Variants in LPAR6 observed in about 807,000 individuals in gnomAD.
The protein encoded by LPAR6 is lysophosphatidic acid receptor 6.
In LPAR6, 17 loss-of-function variants were observed where a neutral mutation model predicts 22.0. That is an observed-to-expected ratio of 0.77 (90% CI 0.53 to 1.16). LPAR6 has a LOEUF of 1.16. Ranked by LOEUF, LPAR6 falls within the 50% of genes most tolerant of loss-of-function variation. The pLI, the probability that LPAR6 is intolerant of heterozygous loss-of-function variation, is 0.00. For missense variants in LPAR6, 384 were observed against 406.9 expected (o/e 0.94, Z 0.48); for synonymous variants, 136 against 139.8 (o/e 0.97, Z 0.19).
At chr13:48,441,694 C>G (rs1050991345) in intron 1 of LPAR6, among the ~76,000 whole-genome samples, 2 of 151,928 alleles carry the variant, frequency 1.3e-5, no homozygotes, top group Non-Finnish European at 2.9e-5. Flanking sequence ...CAATTTTTAA[C>G]AAAAAAGTTT....
rs556425397 is a variant in LPAR6, at chr13:48,393,149, C to T, written n.115-3337G>A. On this transcript the variant is annotated intron_variant and non_coding_transcript_variant, in intron 1 of 1. Transcript: ENST00000462781. ...AGCTCCTGGAAGGATTCTACTCCTT[C>T]CCATGGTTCTTCCCTGGTTTTGAGT... Among the ~76,000 whole-genome samples, 20 of 152,290 alleles carry T rather than the reference C, an allele frequency of 1.3e-4. No homozygotes were observed. In the South Asian group the frequency reaches 3.9e-3, roughly 30 times the overall value.
upstream of LPAR6, among the ~76,000 whole-genome samples, chr13:48,431,810 C>T (rs1287780920): frequency 6.6e-6 from 1 of 152,112 alleles, no homozygotes; most frequent in Non-Finnish European, 1.5e-5. Context: ...TTGCCCTGGC[C>T]ATATAAATAG....
At chr13:48,399,703 G>A (rs1433776864) in intron 1 of LPAR6, among the ~76,000 whole-genome samples, 1 of 151,938 alleles carries the variant, frequency 6.6e-6, no homozygotes, top group Non-Finnish European at 1.5e-5. Context: ...TGTGTTAAAT[G>A]CTTATGTAAG....
At chr13:48,404,751 T>C (rs1948725063) in intron 1 of LPAR6, among the ~76,000 whole-genome samples, 1 of 151,990 alleles carries the variant, frequency 6.6e-6, no homozygotes. Flanking sequence ...GATCTTAAAC[T>C]CCTGACATCG....
upstream of LPAR6, among the ~76,000 whole-genome samples, chr13:48,429,012 C>G (rs919603838): frequency 3.9e-5 from 6 of 152,154 alleles, no homozygotes; most frequent in Non-Finnish European, 5.9e-5. Context: ...AAGCTATTCT[C>G]TGATATACCT....
chr13:48,412,022 CTT>C lies in LPAR6; in HGVS notation c.400_401del (p.Lys134AspfsTer28). The C allele has an allele frequency of 1.2e-6, 2 of 1,612,818 alleles. No individual in the cohort carries two copies. The highest frequency in any genetic ancestry group is 8.5e-7 in the Non-Finnish European group (1 of 1,179,382). ...SKTLRTKRNA[K>X]IVCTGVWLTV... ...TTAACCACACGCCAGTGCAAACAAT[CTT>C]TGCATTTCTTTTGGTTCTTAGAGTC... On this transcript the variant is annotated frameshift_variant, in exon 1 of 1. Coordinates refer to ENST00000620633, the MANE Select transcript of LPAR6 (RefSeq NM_001162498.3). LOFTEE classifies it high-confidence loss of function.
At chr13:48,435,684 T>A (rs977642504) in intron 1 of LPAR6, among the ~76,000 whole-genome samples, 1 of 152,150 alleles carries the variant, frequency 6.6e-6, no homozygotes, top group Non-Finnish European at 1.5e-5. Context: ...TAGTTTCACA[T>A]TTTAAGTCCA....
chr13:48,411,174 C>A lies in LPAR6; in HGVS notation c.*215G>T. On this transcript the variant is annotated 3_prime_UTR_variant, in exon 1 of 1. Coordinates refer to ENST00000620633, the MANE Select transcript of LPAR6 (RefSeq NM_001162498.3). ...GATTTTTTTTAATGAAGGAACAAAT[C>A]AAAATGGCTCAGAAAAATCAGATGG... is the stretch of plus-strand genomic sequence containing the variant. 1 of 454,826 alleles carries A rather than the reference C, an allele frequency of 2.2e-6. No homozygotes were observed. The highest frequency in any genetic ancestry group is 3.9e-6 in the Non-Finnish European group (1 of 253,444). 28.2% of individuals were successfully genotyped at this position (454,826 alleles called of 1,614,324 possible). A position where few individuals can be genotyped will look rare whatever the true frequency, so the allele number is the denominator to read the frequency against.
intron 2 of LPAR6, among the ~76,000 whole-genome samples, chr13:48,418,908 A>C (rs1209990142): frequency 6.6e-6 from 1 of 152,084 alleles, no homozygotes; most frequent in Non-Finnish European, 1.5e-5. Flanking sequence ...GAGACCTACA[A>C]AGAGACTTAG....
At position 48,443,028 on chromosome 13, in the gene LPAR6, C is replaced by T. The variant is rs191594312; in HGVS notation, c.-1474+1525G>A. On this transcript the variant is annotated intron_variant, in intron 1 of 6. Transcript: ENST00000378434. ...CAATTAATAAATCCACTTTGAAAGACATTTTAAGACATTTAATTAATAAAT... is the reference window on the plus strand; with the variant it reads ...CAATTAATAAATCCACTTTGAAAGATATTTTAAGACATTTAATTAATAAAT... 1.5e-3 allele frequency among the ~76,000 whole-genome samples: 235 copies of T among 151,976 alleles called. 2 individuals carry two copies. Among genetic ancestry groups the T allele is most frequent in the East Asian group, 7.7e-4 (4 of 5,176 alleles).
At position 48,394,418 on chromosome 13, in the gene LPAR6, G is replaced by A. The variant is rs539434270; in HGVS notation, n.115-4606C>T. Among the ~76,000 whole-genome samples the A allele has an allele frequency of 3.5e-4, 53 of 152,280 alleles. 1 individual carries two copies. The South Asian group carries it at 0.011, about 30-fold the overall frequency. ...GCGAGTTAGAACCATTCACTCCCCC[G>A]GAAAGGGGGCTGAAGCCAGGGAGCC... On this transcript the variant is annotated intron_variant and non_coding_transcript_variant, in intron 1 of 1. Coordinates refer to the LPAR6 transcript ENST00000462781.
At chr13:48,415,306 T>TA (rs1948889834), upstream of LPAR6, among the ~76,000 whole-genome samples, 41 of 151,912 alleles carry the variant, frequency 2.7e-4, no homozygotes, top group Admixed American at 2.6e-3. Flanking sequence ...TCTTTTTTTT[T>TA]TCTCACTCTG....
chr13:48,421,326 G>T (rs1169275201), intron 2 of LPAR6, among the ~76,000 whole-genome samples: 1 of 152,104 alleles, frequency 6.6e-6, no homozygotes, highest in Non-Finnish European at 1.5e-5. Flanking sequence ...GCAGAAAACT[G>T]AAACTGGACC....
intron 1 of LPAR6, among the ~76,000 whole-genome samples, chr13:48,432,175 G>A (rs1484227502): frequency 2.0e-5 from 3 of 152,122 alleles, no homozygotes; most frequent in Non-Finnish European, 2.9e-5. Flanking sequence ...CTTGAAAGAA[G>A]TGAAGGAATG....
At chr13:48,393,722 G>T (rs1948627586) in intron 1 of LPAR6, among the ~76,000 whole-genome samples, 1 of 152,144 alleles carries the variant, frequency 6.6e-6, no homozygotes. Context: ...TTTCAGAGGG[G>T]TGCTTACTAT....
At chr13:48,394,274 T>C (rs1391502141) in intron 1 of LPAR6, among the ~76,000 whole-genome samples, 1 of 152,154 alleles carries the variant, frequency 6.6e-6, no homozygotes, top group Non-Finnish European at 1.5e-5. Context: ...GGAGATTCCC[T>C]CGGGTGCCTA....
chr13:48,416,849 G>GC (rs1948919498), upstream of LPAR6, among the ~76,000 whole-genome samples: 2 of 152,254 alleles, frequency 1.3e-5, no homozygotes, highest in South Asian at 4.1e-4. Context: ...GCCCACTGTA[G>GC]CCCAACTGCT....
At chr13:48,433,481 G>C (rs1949150871) in intron 1 of LPAR6, among the ~76,000 whole-genome samples, 1 of 152,106 alleles carries the variant, frequency 6.6e-6, no homozygotes, top group Non-Finnish European at 1.5e-5. Context: ...CAGAGTACCT[G>C]CTGGAGATGA....
chr13:48,441,661 C>T (rs1949237920), intron 1 of LPAR6, among the ~76,000 whole-genome samples: 1 of 152,040 alleles, frequency 6.6e-6, no homozygotes, highest in South Asian at 2.1e-4. Context: ...GAAAATAAAA[C>T]TATACTGTGT....
Sources: allele counts gnomAD v4.1 joint callset (sites outside exome capture counted in the v4.1 genomes callset), GRCh38; gene constraint gnomAD v4.1.1; transcripts MANE v1.5; gene names NCBI Gene and HGNC (gene_info 2026-07-23, HGNC 2026-07-21).